BABAM2: variants seen among roughly 807,000 people sequenced by gnomAD.
BABAM2 encodes BRISC and BRCA1 A complex member 2.
BABAM2 carries 31 observed loss-of-function variants against 54.7 expected under a neutral mutation model. The observed-to-expected ratio is 0.57, with a 90% CI of 0.43 to 0.77. The LOEUF (loss-of-function observed/expected upper bound fraction) is 0.77, where lower values mean the gene tolerates loss of function less well. BABAM2 is among the 30% of genes least tolerant of loss of function. The probability of loss-of-function intolerance (pLI) is 0.00; values close to 1 mark genes in which losing one functional copy is unlikely to be tolerated. For missense variants in BABAM2, 364 were observed against 455.8 expected (o/e 0.80, Z 1.83); for synonymous variants, 167 against 162.9 (o/e 1.03, Z -0.19).
At chr2:28,023,642 T>G (rs1424575094) in intron 4 of BABAM2, among the ~76,000 whole-genome samples, 1 of 152,212 alleles carries the variant, frequency 6.6e-6, no homozygotes, top group African/African-American at 2.4e-5. Flanking sequence ...GTTCATCATC[T>G]TTATCTGAAC....
At chr2:28,027,869 T>G (rs1675990293) in intron 5 of BABAM2, among the ~76,000 whole-genome samples, 1 of 152,252 alleles carries the variant, frequency 6.6e-6, no homozygotes. Context: ...ATTTTTTACT[T>G]TGCTCCACAT....
chr2:28,309,747 A>C (rs1688902247), intron 11 of BABAM2, among the ~76,000 whole-genome samples: 1 of 152,220 alleles, frequency 6.6e-6, no homozygotes, highest in Admixed American at 6.5e-5. Context: ...TGGTACCAGC[A>C]CAACCAGCTG....
chr2:28,170,431 A>G (rs1369851890), intron 7 of BABAM2, among the ~76,000 whole-genome samples: 2 of 152,090 alleles, frequency 1.3e-5, no homozygotes, highest in African/African-American at 4.8e-5. Flanking sequence ...GAATAGAGCC[A>G]ATATTTTGAC....
chr2:28,099,901 T>G (rs1666931406), intron 6 of BABAM2, among the ~76,000 whole-genome samples: 1 of 152,144 alleles, frequency 6.6e-6, no homozygotes, highest in African/African-American at 2.4e-5. Flanking sequence ...AACTACCAAA[T>G]TTACTAGCAT....
intron 6 of BABAM2, among the ~76,000 whole-genome samples, chr2:28,119,514 A>G (rs967272652): frequency 6.6e-6 from 1 of 152,206 alleles, no homozygotes; most frequent in African/African-American, 2.4e-5. Context: ...CTGATTGGAC[A>G]GTATTTGGCC....
chr2:27,888,789 T>TAA (rs11298702), upstream of BABAM2, among the ~76,000 whole-genome samples: 17 of 151,714 alleles, frequency 1.1e-4, no homozygotes, highest in African/African-American at 4.1e-4. Flanking sequence ...AAAATGTTGT[T>TAA]AAAAAAAAAT....
At chr2:27,910,782 A>G (rs1435772035) in intron 2 of BABAM2, among the ~76,000 whole-genome samples, 1 of 152,208 alleles carries the variant, frequency 6.6e-6, no homozygotes, top group Non-Finnish European at 1.5e-5. Context: ...CTGAGCAATG[A>G]GAGTTCCATT....
intron 6 of BABAM2, among the ~76,000 whole-genome samples, chr2:28,101,491 T>A (rs1667077790): frequency 6.6e-6 from 1 of 152,168 alleles, no homozygotes; most frequent in South Asian, 2.1e-4. Context: ...TCTGCCTAGT[T>A]CTCTGCACCC....
chr2:28,113,034 C>T (rs1382701759), intron 6 of BABAM2, among the ~76,000 whole-genome samples: 1 of 152,142 alleles, frequency 6.6e-6, no homozygotes, highest in Non-Finnish European at 1.5e-5. Context: ...CCTTTGCCCA[C>T]TTTTTGATGG....
intron 10 of BABAM2, among the ~76,000 whole-genome samples, chr2:28,253,463 A>G (rs77108973): frequency 0.022 from 3,389 of 152,108 alleles, 111 homozygotes; most frequent in African/African-American, 0.078. Flanking sequence ...AGTACTTTGC[A>G]TATGTTATGT....
At chr2:28,246,572 A>G (rs1347732302) in intron 10 of BABAM2, among the ~76,000 whole-genome samples, 1 of 152,174 alleles carries the variant, frequency 6.6e-6, no homozygotes, top group Non-Finnish European at 1.5e-5. Context: ...CAACTCCATC[A>G]CAGCAGGACA....
At chr2:28,196,090 G>A (rs1003449981) in intron 7 of BABAM2, among the ~76,000 whole-genome samples, 10 of 152,182 alleles carry the variant, frequency 6.6e-5, no homozygotes, top group African/African-American at 2.4e-4. Flanking sequence ...CACTTTGGGA[G>A]GCCGAGGCAG....
At chr2:28,025,590 T>C in intron 5 of BABAM2, 170 bp downstream of exon 5, 1 of 614,966 alleles carries the variant, frequency 1.6e-6, no homozygotes, top group Non-Finnish European at 2.5e-6. Flanking sequence ...GTCTAGTTCA[T>C]TGTGTTTCTC....
chr2:28,275,650 A>G (rs150582543), intron 10 of BABAM2, among the ~76,000 whole-genome samples: 1 of 152,326 alleles, frequency 6.6e-6, no homozygotes, highest in East Asian at 1.9e-4. Context: ...TTTAATACAT[A>G]TGCATTTATT....
intron 3 of BABAM2, among the ~76,000 whole-genome samples, chr2:27,959,354 A>G (rs1343095047): frequency 6.6e-6 from 1 of 152,220 alleles, no homozygotes; most frequent in African/African-American, 2.4e-5. Context: ...TCATGAAGAG[A>G]GATGCTGGAG....
intron 3 of BABAM2, among the ~76,000 whole-genome samples, chr2:27,942,570 C>T (rs1668979892): frequency 1.3e-5 from 2 of 150,100 alleles, no homozygotes; most frequent in African/African-American, 4.9e-5. Flanking sequence ...GTTTATGCCA[C>T]GTTACCCAGG....
intron 10 of BABAM2, among the ~76,000 whole-genome samples, chr2:28,282,233 C>G (rs1054734759): frequency 6.6e-6 from 1 of 152,144 alleles, no homozygotes; most frequent in African/African-American, 2.4e-5. Flanking sequence ...AAAACAAGGA[C>G]ATGGAAACAT....
At chr2:27,992,943 A>G (rs1189018373) in intron 4 of BABAM2, among the ~76,000 whole-genome samples, 1 of 152,172 alleles carries the variant, frequency 6.6e-6, no homozygotes, top group Non-Finnish European at 1.5e-5. Context: ...GTGTCATTAT[A>G]TCAGAGAGGC....
At chr2:28,018,577 C>A (rs1451206347) in intron 4 of BABAM2, among the ~76,000 whole-genome samples, 1 of 152,170 alleles carries the variant, frequency 6.6e-6, no homozygotes, top group Non-Finnish European at 1.5e-5. Flanking sequence ...TAAGGAATCT[C>A]CACACTGTTT....
Sources: gnomAD v4.1 joint callset for allele counts (sites outside exome capture counted in the v4.1 genomes callset) on GRCh38, gnomAD v4.1.1 for gene constraint, MANE v1.5 for transcripts, NCBI Gene and HGNC (gene_info 2026-07-23, HGNC 2026-07-21) for gene names.